TASL: variants seen among roughly 807,000 people sequenced by gnomAD.
TASL encodes TLR adaptor interacting with endolysosomal SLC15A4.
TASL carries 6 observed loss-of-function variants against 12.9 expected under a neutral mutation model. That is an observed-to-expected ratio of 0.46 (90% CI 0.25 to 0.92). The LOEUF is 0.92. Ranked by LOEUF, TASL falls within the 40% of genes least tolerant of loss-of-function variation. The pLI is 0.17. For missense variants in TASL, 165 were observed against 212.8 expected, an observed-to-expected ratio of 0.78 and a Z score of 1.40; for synonymous variants, 85 against 79.3, an observed-to-expected ratio of 1.07 and a Z score of -0.38.
intron 2 of TASL, among the ~76,000 whole-genome samples, chrX:30,570,396 C>T (rs1930575765): frequency 9.0e-6 from 1 of 111,137 alleles, no homozygotes; most frequent in African/African-American, 3.3e-5. Context: ...AGCTACAACC[C>T]AGATAATATT....
At chrX:30,568,978 A>T (rs1459142440) in intron 2 of TASL, among the ~76,000 whole-genome samples, 1 of 109,481 alleles carries the variant, frequency 9.1e-6, no homozygotes, top group Admixed American at 9.8e-5. Flanking sequence ...AGCAAAAAAA[A>T]AAAAAAAAGG....
At chrX:30,577,408 C>T (rs1406864737) in intron 1 of TASL, among the ~76,000 whole-genome samples, 1 of 111,960 alleles carries the variant, frequency 8.9e-6, no homozygotes, top group Non-Finnish European at 1.9e-5. Context: ...AGAATGTGGA[C>T]ACGAGGAGGT....
At chrX:30,571,182 G>C (rs916511331) in intron 2 of TASL, among the ~76,000 whole-genome samples, 1 of 95,416 alleles carries the variant, frequency 1.0e-5, no homozygotes, top group Non-Finnish European at 2.1e-5. Context: ...TTTAGTCTCA[G>C]AAAAAGAAAG....
chrX:30,568,385 C>G (rs1429236651), intron 2 of TASL, among the ~76,000 whole-genome samples: 2 of 111,264 alleles, frequency 1.8e-5, no homozygotes, highest in Non-Finnish European at 3.8e-5. Context: ...TTATTTGGCC[C>G]TACAGACAGA....
chrX:30,561,274 T>C (rs1019239016), intron 2 of TASL, among the ~76,000 whole-genome samples: 6 of 111,670 alleles, frequency 5.4e-5, no homozygotes, highest in Non-Finnish European at 1.1e-4. Context: ...AATGTCTCTG[T>C]ATCTAACTGA....
intron 2 of TASL, among the ~76,000 whole-genome samples, chrX:30,567,703 G>A (rs962121018): frequency 1.8e-5 from 2 of 111,047 alleles, no homozygotes; most frequent in African/African-American, 6.6e-5. Context: ...ATGATGACAA[G>A]TCAAGAAATA....
chrX:30,561,481 G>C (rs1930422803), intron 2 of TASL, among the ~76,000 whole-genome samples: 1 of 111,605 alleles, frequency 9.0e-6, no homozygotes, highest in Non-Finnish European at 1.9e-5. Context: ...AGGAAAACTG[G>C]TCCTCTTGGG....
At chrX:30,562,326 G>A (rs777305706) in intron 2 of TASL, among the ~76,000 whole-genome samples, 2 of 111,771 alleles carry the variant, frequency 1.8e-5, no homozygotes, top group Admixed American at 9.4e-5. Flanking sequence ...GAGAGATTTG[G>A]GAGCCAAGAG....
intron 2 of TASL, among the ~76,000 whole-genome samples, chrX:30,575,360 A>G (rs967268672): frequency 2.2e-4 from 25 of 111,360 alleles, no homozygotes; most frequent in Non-Finnish European, 7.5e-5. Context: ...TACCTAAACA[A>G]AAAGCTTCTT....
intron 2 of TASL, among the ~76,000 whole-genome samples, chrX:30,571,000 G>A (rs1371675211): frequency 9.3e-6 from 1 of 107,646 alleles, no homozygotes; most frequent in African/African-American, 3.4e-5. Context: ...GACCAACATG[G>A]AGAAACCCCA....
intron 1 of TASL, among the ~76,000 whole-genome samples, chrX:30,577,411 G>A (rs1930724198): frequency 8.9e-6 from 1 of 112,121 alleles, no homozygotes; most frequent in Non-Finnish European, 1.9e-5. Flanking sequence ...ATGTGGACAC[G>A]AGGAGGTAAG....
intron 2 of TASL, among the ~76,000 whole-genome samples, chrX:30,563,493 TGA>T (rs1324714778): frequency 8.9e-6 from 1 of 112,087 alleles, no homozygotes; most frequent in East Asian, 2.8e-4. Context: ...CTTTTTGGAA[TGA>T]GAGTAAAGGG....
rs1569306075 is a variant in TASL at position 30,571,266 on chromosome X, G to GAAAGAAAGAAAGAAAGAAAGAA, written c.-2+5464_-2+5485dup. ...AAAAAGAGAAAGAAAGAGAAAGAAA[G>GAAAGAAAGAAAGAAAGAAAGAA]AAAGAAAGAAAGAAAGAAAGAAAGA... is the stretch of plus-strand genomic sequence containing the variant. On this transcript the variant is annotated intron_variant, in intron 2 of 2. Coordinates refer to ENST00000378962, the MANE Select transcript of TASL (RefSeq NM_025159.3). Among the ~76,000 whole-genome samples, 285 of 35,924 alleles carry GAAAGAAAGAAAGAAAGAAAGAA rather than the reference G, an allele frequency of 7.9e-3. 21 individuals carry two copies. The highest frequency in any genetic ancestry group is 0.015 in the South Asian group (11 of 710). 31.2% of individuals were successfully genotyped at this position (35,924 alleles called of 115,157 possible).
intron 2 of TASL, among the ~76,000 whole-genome samples, chrX:30,565,154 T>C (rs770111685): frequency 4.5e-5 from 5 of 111,340 alleles, no homozygotes; most frequent in Non-Finnish European, 9.4e-5. Flanking sequence ...TGGTTTTTAG[T>C]GAGGGCTGTA....
Position 30,563,881 on chromosome X carries a change from G to T in TASL, c.-1-3525C>A, listed in dbSNP as rs12007459. The stretch of plus-strand genomic sequence containing the variant: ...AGAAGAAGAGCAATTGACATCAGAG[G>T]TTCCCCAACTCAACAGGCAACCAGA... On this transcript the variant is annotated intron_variant, in intron 2 of 2. Transcript: ENST00000378962. Among the ~76,000 whole-genome samples the T allele has an allele frequency of 9.6e-3, 1,067 of 111,525 alleles. 11 individuals are homozygous for T. The highest frequency in any genetic ancestry group is 0.031 in the African/African-American group (943 of 30,659).
intron 2 of TASL, among the ~76,000 whole-genome samples, chrX:30,574,467 G>A (rs1218969884): frequency 9.0e-6 from 1 of 111,641 alleles, no homozygotes; most frequent in Non-Finnish European, 1.9e-5. Flanking sequence ...GGGAGTTTTG[G>A]ATGATGAGGC....
chrX:30,571,436 T>C (rs1930622650), intron 2 of TASL, among the ~76,000 whole-genome samples: 2 of 109,453 alleles, frequency 1.8e-5, no homozygotes, highest in Admixed American at 2.0e-4. Context: ...CTGGCCAACA[T>C]GACAAAACCC....
In TASL at chrX:30,575,389, A is replaced by G. The variant is rs139022238; in HGVS notation, c.-2+1363T>C. ...GCTTCTTTAGGAAGGACCTCCCTGT[A>G]TAAAATAGCATCTGCAGTTTCCTTA... On this transcript the variant is annotated intron_variant, in intron 2 of 2. Coordinates refer to ENST00000378962, the MANE Select transcript of TASL (RefSeq NM_025159.3). Among the ~76,000 whole-genome samples, 5 of 111,602 alleles carry G rather than the reference A, an allele frequency of 4.5e-5. No individual in the cohort carries two copies. In the East Asian group the frequency reaches 1.4e-3, roughly 31 times the overall value.
intron 2 of TASL, among the ~76,000 whole-genome samples, chrX:30,568,192 C>T (rs1930528813): frequency 9.1e-6 from 1 of 110,272 alleles, no homozygotes; most frequent in Admixed American, 9.7e-5. Flanking sequence ...GAGTCGAGAT[C>T]GTGCCACTGC....
Sources: allele counts gnomAD v4.1 joint callset (sites outside exome capture counted in the v4.1 genomes callset), GRCh38; gene constraint gnomAD v4.1.1; transcripts MANE v1.5; gene names NCBI Gene and HGNC (gene_info 2026-07-23, HGNC 2026-07-21).